NYAP2: variants seen among roughly 807,000 people sequenced by gnomAD.
NYAP2 encodes the protein neuronal tyrosine-phosphorylated phosphoinositide-3-kinase adapter 2.
In NYAP2, 23 loss-of-function variants were observed where a neutral mutation model predicts 50.4. That is an observed-to-expected ratio of 0.46 (90% CI 0.33 to 0.65). The LOEUF is 0.65. NYAP2 is among the 30% of genes least tolerant of loss of function. The pLI, the probability that NYAP2 is intolerant of heterozygous loss-of-function variation, is 0.02. For synonymous variants in NYAP2, 394 were observed against 365.2 expected, an observed-to-expected ratio of 1.08 and a Z score of -0.90; for missense variants, 885 against 861.0, an observed-to-expected ratio of 1.03 and a Z score of -0.35.
At chr2:225,504,307 C>G (rs1011058997) in intron 3 of NYAP2, among the ~76,000 whole-genome samples, 3 of 152,094 alleles carry the variant, frequency 2.0e-5, no homozygotes, top group Non-Finnish European at 2.9e-5. Context: ...TCTGGGATCT[C>G]TTTAATGAGG....
chr2:225,620,355 T>C (rs1180412004), intron 5 of NYAP2, among the ~76,000 whole-genome samples: 1 of 152,204 alleles, frequency 6.6e-6, no homozygotes, highest in Non-Finnish European at 1.5e-5. Context: ...GAAGCAGTTC[T>C]TGAATACATA....
At chr2:225,529,617 G>C (rs1284536599) in intron 4 of NYAP2, among the ~76,000 whole-genome samples, 1 of 152,178 alleles carries the variant, frequency 6.6e-6, no homozygotes, top group Non-Finnish European at 1.5e-5. Context: ...GAACTACCGT[G>C]CCTGGCCCCT....
intron 3 of NYAP2, among the ~76,000 whole-genome samples, chr2:225,475,216 AC>A (rs1690082966): frequency 6.6e-6 from 1 of 152,206 alleles, no homozygotes; most frequent in Admixed American, 6.5e-5. Flanking sequence ...ACTTATCCAA[AC>A]TGACCAGTTT....
At chr2:225,534,347 A>G (rs1691310122) in intron 4 of NYAP2, among the ~76,000 whole-genome samples, 1 of 152,214 alleles carries the variant, frequency 6.6e-6, no homozygotes, top group African/African-American at 2.4e-5. Flanking sequence ...CTTCAGAGAG[A>G]CAGATGCTTG....
At chr2:225,597,974 GT>G (rs1692634742) in intron 5 of NYAP2, among the ~76,000 whole-genome samples, 2 of 152,204 alleles carry the variant, frequency 1.3e-5, no homozygotes, top group South Asian at 4.2e-4. Context: ...TTAAGTTTGG[GT>G]AAAGGATCTG....
intron 5 of NYAP2, among the ~76,000 whole-genome samples, chr2:225,600,366 T>G (rs1692672894): frequency 6.6e-6 from 1 of 152,154 alleles, no homozygotes; most frequent in African/African-American, 2.4e-5. Flanking sequence ...CAAGAGCAAT[T>G]TGGGAAGGGT....
intron 5 of NYAP2, among the ~76,000 whole-genome samples, chr2:225,602,423 C>T (rs1437434322): frequency 6.6e-6 from 1 of 152,124 alleles, no homozygotes; most frequent in Non-Finnish European, 1.5e-5. Context: ...TTCATGGAGG[C>T]AGGCTTTTTC....
chr2:225,659,756 A>G, the NYAP2 span, among the ~76,000 whole-genome samples: 2 of 152,192 alleles, frequency 1.3e-5, no homozygotes, highest in Non-Finnish European at 2.9e-5. Context: ...GTTGTTGTTG[A>G]GGATTAATGA....
intron 3 of NYAP2, among the ~76,000 whole-genome samples, chr2:225,439,373 C>T (rs186142871): frequency 3.9e-5 from 6 of 152,144 alleles, no homozygotes; most frequent in South Asian, 4.2e-4. Flanking sequence ...GGTAGTAGAA[C>T]GTGAGTAAGA....
the NYAP2 span, among the ~76,000 whole-genome samples, chr2:225,665,807 T>TAAATAAAAAAAAAAAAAAAAA: frequency 4.8e-5 from 1 of 20,996 alleles, no homozygotes; most frequent in African/African-American, 1.7e-4. Flanking sequence ...AGCCTCCGTC[T>TAAATAAAAAAAAAAAAAAAAA]AAAAAAAAAA....
chr2:225,645,376 C>T (rs1693614496), intron 6 of NYAP2, among the ~76,000 whole-genome samples: 1 of 152,088 alleles, frequency 6.6e-6, no homozygotes, highest in Admixed American at 6.5e-5. Context: ...ATTGTTTACT[C>T]AAAGGAGTTA....
chr2:225,490,434 A>T lies in NYAP2; in HGVS notation c.222-22937A>T, dbSNP rs77102577. Among the ~76,000 whole-genome samples, 23 of 152,336 alleles carry T rather than the reference A, an allele frequency of 1.5e-4. 2 individuals carry two copies. In the East Asian group the frequency reaches 4.4e-3, roughly 29 times the overall value. ...AAGGATGCTGTGGAGCATCAGTATA[A>T]AATGCATTTTGTAAGTAAAGAGAAA... On this transcript the variant is annotated intron_variant, in intron 3 of 6. Coordinates refer to ENST00000636099, the Ensembl canonical transcript of NYAP2.
intron 3 of NYAP2, among the ~76,000 whole-genome samples, chr2:225,451,255 T>A (rs988247965): frequency 3.1e-4 from 47 of 152,182 alleles, no homozygotes; most frequent in African/African-American, 9.2e-4. Flanking sequence ...CAGGATCAAT[T>A]TGAAACTTTC....
At chr2:225,402,310 T>G (rs1280981670) in intron 2 of NYAP2, among the ~76,000 whole-genome samples, 1 of 151,984 alleles carries the variant, frequency 6.6e-6, no homozygotes, top group East Asian at 1.9e-4. Flanking sequence ...TTTAAAAAAA[T>G]AAATAAATTA....
intron 6 of NYAP2, among the ~76,000 whole-genome samples, chr2:225,638,302 G>A (rs376858698): frequency 5.9e-5 from 9 of 152,030 alleles, no homozygotes; most frequent in African/African-American, 2.2e-4. Context: ...AAAGTCAAAT[G>A]AGAGAGACTT....
intron 3 of NYAP2, among the ~76,000 whole-genome samples, chr2:225,433,748 C>A (rs944164830): frequency 7.6e-6 from 1 of 131,306 alleles, no homozygotes; most frequent in Non-Finnish European, 1.5e-5. Flanking sequence ...ACCCGGGAGG[C>A]GGAGCTCGCA....
intron 5 of NYAP2, among the ~76,000 whole-genome samples, chr2:225,613,866 G>A (rs1200157940): frequency 6.6e-6 from 1 of 152,076 alleles, no homozygotes; most frequent in Non-Finnish European, 1.5e-5. Flanking sequence ...TAAACTATAT[G>A]TAGTTTAATT....
chr2:225,556,425 G>A (rs541390919), intron 4 of NYAP2, among the ~76,000 whole-genome samples: 4 of 152,240 alleles, frequency 2.6e-5, no homozygotes, highest in Admixed American at 1.3e-4. Flanking sequence ...TATTGTTCAC[G>A]TAATAGTCCA....
downstream of NYAP2, among the ~76,000 whole-genome samples, chr2:225,654,854 C>T (rs1025253017): frequency 3.9e-5 from 6 of 152,296 alleles, no homozygotes; most frequent in Admixed American, 3.3e-4. Flanking sequence ...TGTTACTTCT[C>T]AGATTGTTGT....
Sources: allele counts gnomAD v4.1 joint callset (sites outside exome capture counted in the v4.1 genomes callset), GRCh38; gene constraint gnomAD v4.1.1; transcripts MANE v1.5; gene names NCBI Gene and HGNC (gene_info 2026-07-23, HGNC 2026-07-21).